Variants in PIEZO1 observed in about 807,000 individuals in gnomAD.
The protein encoded by PIEZO1 is piezo type mechanosensitive ion channel component 1 (Er blood group).
In PIEZO1, 296 loss-of-function variants were observed where a neutral mutation model predicts 297.2. The ratio of observed to expected loss-of-function variants is 1.00; its 90% CI spans 0.91 to 1.10. The LOEUF (loss-of-function observed/expected upper bound fraction) is 1.10, where lower values mean the gene tolerates loss of function less well. Among genes scored for constraint, PIEZO1 ranks in the 50% least tolerant of loss-of-function variants. PIEZO1 has a pLI of 0.00. For synonymous variants in PIEZO1, 2,427 were observed against 1,507.5 expected (o/e 1.61, Z -14.13); for missense variants, 5,018 against 3,455.5 (o/e 1.45, Z -11.34).
rs752581333 is a variant in PIEZO1, at chr16:88,732,503, G to A, written c.2823C>T (p.Phe941=). 51 of 1,547,828 alleles carry A rather than the reference G, an allele frequency of 3.3e-5. No homozygotes were observed. In the Admixed American group the frequency reaches 4.1e-4, roughly 13 times the overall value. ...CCTGGCGCCGGTACACGATGGCCTC[G>A]AATACCAGCAGCAGCAGCACTTGCA... The part of the protein sequence containing the change: ...NHLQVLLLLV[F]EAIVYRRQEH... Residue 941 remains phenylalanine, a synonymous_variant, in exon 21 of 51, where the codon TTC becomes TTT. Transcript: ENST00000301015.
intron 1 of PIEZO1, among the ~76,000 whole-genome samples, chr16:88,784,074 G>T (rs1908059275): frequency 6.6e-6 from 1 of 152,232 alleles, no homozygotes; most frequent in South Asian, 2.1e-4. Flanking sequence ...GCCAGGGTCG[G>T]GGAAGGGTAG....
chr16:88,732,169 C>A (rs992049470), intron 21 of PIEZO1, among the ~76,000 whole-genome samples, 166 bp downstream of exon 21: 1 of 151,998 alleles, frequency 6.6e-6, no homozygotes, highest in African/African-American at 2.4e-5. Context: ...TCAGCACCGA[C>A]ACACCACAGG....
chr16:88,734,959 G>C lies in PIEZO1; in HGVS notation c.1764C>G (p.Phe588Leu). ...KYWIYVCAGM[F>L]IVVSFAGRLV... The stretch of plus-strand genomic sequence containing the variant: ...GGCGGCCGGCGAAGCTGACCACGAT[G>C]AACATGCCAGCACACACATAGATCC... The change falls in exon 14 of 51, where the codon TTC (phenylalanine) becomes TTG (leucine). Residue 588 changes from phenylalanine to leucine, a missense_variant. By Grantham distance (22) the Phe-to-Leu change is conservative (BLOSUM62 0). Coordinates refer to ENST00000301015, the MANE Select transcript of PIEZO1 (RefSeq NM_001142864.4). The C allele has an allele frequency of 6.4e-7, 1 of 1,550,504 alleles. No homozygotes were observed. The highest frequency in any genetic ancestry group is 1.4e-5 in the African/African-American group (1 of 73,190).
chr16:88,735,863 G>C (rs940806550), intron 12 of PIEZO1, among the ~76,000 whole-genome samples: 3 of 152,128 alleles, frequency 2.0e-5, no homozygotes, highest in Non-Finnish European at 4.4e-5. Flanking sequence ...CTCACACACA[G>C]TGTCGGGGCA....
At chr16:88,742,835 A>G (rs28577575) in intron 2 of PIEZO1, 214,234 of 347,006 alleles carry the variant, frequency 0.62, 68,327 homozygotes, top group Non-Finnish European at 0.69. Context: ...TGGAGACCAG[A>G]GCATGCGGAG....
chr16:88,733,231 AGAG>A, intron 19 of PIEZO1, 44 bp downstream of exon 19: 2 of 1,507,224 alleles, frequency 1.3e-6, no homozygotes, highest in Non-Finnish European at 1.8e-6. Context: ...CTGCGAATAC[AGAG>A]TTGCCTGGAG....
Position 88,721,380 on chromosome 16 carries a change from G to T in PIEZO1, c.5454C>A (p.Asp1818Glu). Residue 1818 changes from aspartate to glutamate, a missense_variant, in exon 39 of 51, where the codon GAC becomes GAA. Transcript: ENST00000301015. ...HEEDSPSKEH[D>E]KSGEEEQGAE... ...CTCCCTGCTCCTCCTCGCCGCTCTT[G>T]TCATGCTCCTTGGATGGTGAGTCCT... 6.5e-7 allele frequency: 1 copy of T among 1,549,844 alleles called. No individual in the cohort carries two copies. Among genetic ancestry groups the T allele is most frequent in the Non-Finnish European group, 8.7e-7 (1 of 1,146,872 alleles).
At position 88,735,068 on chromosome 16, in the gene PIEZO1, A is replaced by C; in HGVS notation, c.1670-15T>G. 6.5e-7 allele frequency: 1 copy of C among 1,550,126 alleles called. No homozygotes were observed. Among genetic ancestry groups the C allele is most frequent in the Non-Finnish European group, 8.7e-7 (1 of 1,146,794 alleles). The stretch of plus-strand genomic sequence containing the variant: ...CCGCGTGGGCTCTGTGGGCCAAGCC[A>C]GGGGCAGGCGATGGCATCAGGGCGG... On this transcript the variant is annotated splice_polypyrimidine_tract_variant and intron_variant, in intron 13 of 50. Coordinates refer to ENST00000301015, the MANE Select transcript of PIEZO1 (RefSeq NM_001142864.4).
intron 12 of PIEZO1, 101 bp downstream of exon 12, chr16:88,736,047 T>C: frequency 1.6e-6 from 2 of 1,221,032 alleles, no homozygotes; most frequent in Non-Finnish European, 2.3e-6. Context: ...ATCTGCCTTC[T>C]TGGCGCTGCC....
intron 23 of PIEZO1, 32 bp from the exon 24 acceptor site, chr16:88,727,224 AC>A: frequency 6.6e-7 from 1 of 1,504,476 alleles, no homozygotes; most frequent in Non-Finnish European, 8.9e-7. Flanking sequence ...GCTGTGCCAC[AC>A]GGGGACCCAC....
chr16:88,769,963 C>T (rs1221292678), intron 1 of PIEZO1, among the ~76,000 whole-genome samples: 1 of 152,178 alleles, frequency 6.6e-6, no homozygotes, highest in Non-Finnish European at 1.5e-5. Flanking sequence ...CAGCAGGGGG[C>T]TCTGAGGCCC....
chr16:88,734,053 G>A lies in PIEZO1; in HGVS notation c.2182C>T (p.Gln728Ter). 6.6e-7 allele frequency: 1 copy of A among 1,506,668 alleles called. No homozygotes were observed. Among genetic ancestry groups the A allele is most frequent in the Non-Finnish European group, 8.9e-7 (1 of 1,120,858 alleles). 93.3% of individuals were successfully genotyped at this position (1,506,668 alleles called of 1,614,324 possible). ...AGTGGGGTCCCACTCACTGCATCCT[G>A]CCTGGGAGAGGGTCCGAAAATGTCA... ...GTRLPRWAHR[Q>*]DAVSGTPLLR... Residue 728 changes from glutamine to a stop codon, truncating the protein, a stop_gained and splice_region_variant, in exon 17 of 51, where the codon CAG (glutamine) becomes TAG (stop). Transcript: ENST00000301015. LOFTEE classifies it high-confidence loss of function.
chr16:88,777,029 A>C (rs139057304), intron 1 of PIEZO1, among the ~76,000 whole-genome samples: 2 of 152,248 alleles, frequency 1.3e-5, no homozygotes, highest in African/African-American at 4.8e-5. Context: ...CTGGAGTGCA[A>C]TGGTGTGATC....
intron 1 of PIEZO1, among the ~76,000 whole-genome samples, chr16:88,782,857 G>A (rs1907997658): frequency 2.0e-5 from 3 of 152,110 alleles, no homozygotes; most frequent in Admixed American, 6.5e-5. Context: ...AGGCAGGCAG[G>A]CAGGGTTCTT....
chr16:88,771,177 C>T (rs35842643), intron 1 of PIEZO1, among the ~76,000 whole-genome samples: 4 of 152,342 alleles, frequency 2.6e-5, no homozygotes, highest in East Asian at 1.9e-4. Context: ...CCCCACAGAG[C>T]GACCGCTACT....
rs587776987 is a variant in PIEZO1, at chr16:88,716,885, A to C, written c.6674T>G (p.Met2225Arg). 1 of 1,549,966 alleles carries C rather than the reference A, an allele frequency of 6.5e-7. No homozygotes were observed. Among genetic ancestry groups the C allele is most frequent in the Non-Finnish European group, 8.7e-7 (1 of 1,146,944 alleles). ...GATGATGGACGGCTGCTGGGCGCTCATGGTGAACAGCGGCTGGGGCAGGCA... is the reference window on the plus strand; with the variant it reads ...GATGATGGACGGCTGCTGGGCGCTCCTGGTGAACAGCGGCTGGGGCAGGCA... The part of the protein sequence containing the change: ...KLGGYEPLFT[M>R]SAQQPSIIPF... Residue 2225 changes from methionine to arginine, a missense_variant, in exon 46 of 51, where the codon ATG becomes AGG. By Grantham distance (91) the Met-to-Arg change is moderately conservative. Transcript: ENST00000301015.
chr16:88,780,385 TG>T (rs896283454), intron 1 of PIEZO1, among the ~76,000 whole-genome samples: 3 of 136,916 alleles, frequency 2.2e-5, no homozygotes, highest in African/African-American at 8.1e-5. Context: ...AGGATGTGGG[TG>T]GGGGTAGGGG....
chr16:88,746,218 G>C (rs186979379), intron 2 of PIEZO1, among the ~76,000 whole-genome samples: 1 of 152,172 alleles, frequency 6.6e-6, no homozygotes, highest in Non-Finnish European at 1.5e-5. Flanking sequence ...GACTACACAA[G>C]GCTGGCAGAG....
chr16:88,730,370 G>GAGGCGA (rs57083528), intron 22 of PIEZO1, among the ~76,000 whole-genome samples: 3 of 151,862 alleles, frequency 2.0e-5, no homozygotes, highest in African/African-American at 7.3e-5. Context: ...TTGGGAGGCG[G>GAGGCGA]GTGGATCACC....
Sources: allele counts gnomAD v4.1 joint callset (sites outside exome capture counted in the v4.1 genomes callset), GRCh38; gene constraint gnomAD v4.1.1; transcripts MANE v1.5; gene names NCBI Gene and HGNC (gene_info 2026-07-23, HGNC 2026-07-21).